ADAM18: variants seen among roughly 807,000 people sequenced by gnomAD.
ADAM18 encodes the protein ADAM metallopeptidase domain 18.
Under a neutral mutation model 94.4 loss-of-function variants are expected in ADAM18, and 117 were observed. The observed-to-expected ratio is 1.24, with a 90% CI of 1.07 to 1.45. The LOEUF (loss-of-function observed/expected upper bound fraction) is 1.45, where lower values mean the gene tolerates loss of function less well. Among genes scored for constraint, ADAM18 ranks in the 40% most tolerant of loss-of-function variants. The pLI is 0.00. For missense variants in ADAM18, 936 were observed against 880.0 expected (o/e 1.06, Z -0.81); for synonymous variants, 327 against 291.6 (o/e 1.12, Z -1.24).
chr8:39,723,629 G>C (rs1469794736), intron 18 of ADAM18, 119 bp from the exon 19 acceptor site: 1 of 609,182 alleles, frequency 1.6e-6, no homozygotes, highest in African/African-American at 1.9e-5. Flanking sequence ...ATTTTTCCTA[G>C]TAGTTTGCAA....
chr8:39,643,495 G>A (rs1820292383), intron 10 of ADAM18, among the ~76,000 whole-genome samples: 1 of 152,018 alleles, frequency 6.6e-6, no homozygotes, highest in African/African-American at 2.4e-5. Context: ...ATATATTAGG[G>A]GGTCTGTATT....
At chr8:39,647,062 A>G (rs1820401672) in intron 11 of ADAM18, among the ~76,000 whole-genome samples, 1 of 152,084 alleles carries the variant, frequency 6.6e-6, no homozygotes, top group African/African-American at 2.4e-5. Flanking sequence ...AATAAGACAC[A>G]GAGACAAAGT....
chr8:39,723,048 C>G (rs772123957), intron 18 of ADAM18, among the ~76,000 whole-genome samples: 7 of 151,336 alleles, frequency 4.6e-5, no homozygotes, highest in Non-Finnish European at 7.4e-5. Context: ...ATAACAGGAT[C>G]CTTTTTGAGA....
chr8:39,621,735 A>C (rs1185601795), intron 6 of ADAM18, among the ~76,000 whole-genome samples: 5 of 152,222 alleles, frequency 3.3e-5, no homozygotes, highest in African/African-American at 4.8e-5. Context: ...ACCATGGAAT[A>C]CTATGCAGCC....
chr8:39,675,792 C>T (rs938630230), intron 14 of ADAM18, among the ~76,000 whole-genome samples: 1 of 152,186 alleles, frequency 6.6e-6, no homozygotes, highest in African/African-American at 2.4e-5. Context: ...ATGTTGGTGA[C>T]CTACAGATGG....
chr8:39,719,636 A>C (rs1368101339), intron 18 of ADAM18, among the ~76,000 whole-genome samples: 2 of 151,446 alleles, frequency 1.3e-5, no homozygotes, highest in Non-Finnish European at 3.0e-5. Flanking sequence ...TCTATAAAAA[A>C]GGGGGGCAAA....
chr8:39,614,295 A>T (rs1037437605), intron 6 of ADAM18, among the ~76,000 whole-genome samples: 1 of 152,244 alleles, frequency 6.6e-6, no homozygotes, highest in Admixed American at 6.5e-5. Flanking sequence ...CCTGTGAGCC[A>T]GAAGAGATTG....
intron 12 of ADAM18, among the ~76,000 whole-genome samples, chr8:39,649,071 G>A (rs1483620914): frequency 6.6e-6 from 1 of 151,828 alleles, no homozygotes; most frequent in African/African-American, 2.4e-5. Flanking sequence ...ATTTTCAACA[G>A]GTGAGATGAC....
intron 14 of ADAM18, among the ~76,000 whole-genome samples, chr8:39,671,394 A>T (rs572756345): frequency 2.0e-5 from 3 of 152,208 alleles, no homozygotes; most frequent in Non-Finnish European, 4.4e-5. Flanking sequence ...GGAAAATATA[A>T]CAAAAGGGCA....
rs143234264 is a variant in ADAM18 at position 39,724,069 on chromosome 8, A to G, written c.2177+162A>G. 4.1e-4 allele frequency: 223 copies of G among 549,020 alleles called. No individual in the cohort carries two copies. The African/African-American group carries it at 4.2e-3, about 10-fold the overall frequency. The allele number at this position is 549,020 out of a possible 1,614,324, so 34.0% of individuals were successfully genotyped here. ...TTTTGTGTTTCAATAATTTGTTATT[A>G]TATTGGGGCAAGCCAAAATTCTCAA... On this transcript the variant is annotated intron_variant, in intron 19 of 19. Coordinates refer to ENST00000265707, the MANE Select transcript of ADAM18 (RefSeq NM_014237.3).
chr8:39,636,954 C>G (rs1820088645), intron 7 of ADAM18, among the ~76,000 whole-genome samples: 1 of 148,996 alleles, frequency 6.7e-6, no homozygotes, highest in Non-Finnish European at 1.5e-5. Context: ...CAGATTCATC[C>G]ATGTTTTCAC....
chr8:39,724,957 A>T (rs200997724), intron 19 of ADAM18, among the ~76,000 whole-genome samples: 1 of 136,808 alleles, frequency 7.3e-6, no homozygotes, highest in Non-Finnish European at 1.6e-5. Context: ...AAAATTTTTT[A>T]AATTTTTTGA....
intron 16 of ADAM18, among the ~76,000 whole-genome samples, chr8:39,684,369 A>C (rs1050737005): frequency 1.3e-5 from 2 of 152,162 alleles, no homozygotes; most frequent in Admixed American, 6.5e-5. Context: ...TAAGTATATA[A>C]TACATTATTG....
chr8:39,716,016 C>T (rs1401983323), intron 18 of ADAM18, among the ~76,000 whole-genome samples: 1 of 151,988 alleles, frequency 6.6e-6, no homozygotes, highest in Non-Finnish European at 1.5e-5. Flanking sequence ...CAATGTCTCT[C>T]ATCAATTTCT....
chr8:39,702,601 G>A (rs1386782343), intron 17 of ADAM18, among the ~76,000 whole-genome samples: 1 of 152,038 alleles, frequency 6.6e-6, no homozygotes, highest in Non-Finnish European at 1.5e-5. Flanking sequence ...TTATTCCAAG[G>A]TTTTTGTAGT....
chr8:39,715,837 T>C (rs953411910), intron 18 of ADAM18, among the ~76,000 whole-genome samples: 1 of 152,030 alleles, frequency 6.6e-6, no homozygotes, highest in Non-Finnish European at 1.5e-5. Flanking sequence ...GGCCCAGATA[T>C]AGCCACCGGT....
At chr8:39,682,218 C>T (rs1242741310) in intron 16 of ADAM18, among the ~76,000 whole-genome samples, 1 of 152,192 alleles carries the variant, frequency 6.6e-6, no homozygotes, top group Non-Finnish European at 1.5e-5. Context: ...CATCTGGAAA[C>T]TTCAGAGCTT....
intron 12 of ADAM18, among the ~76,000 whole-genome samples, chr8:39,662,745 G>A (rs1392766718): frequency 8.5e-5 from 13 of 152,080 alleles, no homozygotes; most frequent in South Asian, 8.3e-4. Flanking sequence ...TTGCCTCAGC[G>A]TCCTGAGTAG....
At chr8:39,604,327 C>T (rs545578371) in intron 2 of ADAM18, among the ~76,000 whole-genome samples, 1 of 152,330 alleles carries the variant, frequency 6.6e-6, no homozygotes, top group Admixed American at 6.5e-5. Context: ...TTGTTACACT[C>T]AATCCCTACT....
Sources: gnomAD v4.1 joint callset for allele counts (sites outside exome capture counted in the v4.1 genomes callset) on GRCh38, gnomAD v4.1.1 for gene constraint, MANE v1.5 for transcripts, NCBI Gene and HGNC (gene_info 2026-07-23, HGNC 2026-07-21) for gene names.